Variants in JAK2 observed in about 807,000 individuals in gnomAD.
The protein encoded by JAK2 is tyrosine-protein kinase JAK2.
A neutral mutation model predicts 139.3 loss-of-function variants in JAK2; 86 were observed. The observed-to-expected ratio is 0.62, with a 90% CI of 0.52 to 0.74. JAK2 has a LOEUF of 0.74. Ranked by LOEUF, JAK2 falls within the 30% of genes least tolerant of loss-of-function variation. JAK2 has a pLI of 0.00. For missense variants in JAK2, 1,421 were observed against 1,360.3 expected (o/e 1.04, Z -0.70); for synonymous variants, 490 against 437.7 (o/e 1.12, Z -1.49).
chr9:5,053,030 G>C (rs141347486), intron 6 of JAK2, among the ~76,000 whole-genome samples: 122 of 152,098 alleles, frequency 8.0e-4, no homozygotes, highest in African/African-American at 2.8e-3. Flanking sequence ...GGAATTCCTG[G>C]AACATATGGT....
At chr9:5,071,582 C>T (rs901618882) in intron 12 of JAK2, among the ~76,000 whole-genome samples, 1 of 152,060 alleles carries the variant, frequency 6.6e-6, no homozygotes, top group Non-Finnish European at 1.5e-5. Context: ...ATGTAGTGAA[C>T]CTCAAGACAG....
At chr9:4,986,610 C>T (rs928518103) in intron 2 of JAK2, among the ~76,000 whole-genome samples, 3 of 152,178 alleles carry the variant, frequency 2.0e-5, no homozygotes, top group African/African-American at 7.2e-5. Context: ...TAAGTTTGTA[C>T]AGTGAGTTGT....
chr9:5,090,658 T>C, intron 21 of JAK2, 81 bp from the exon 22 acceptor site: 2 of 1,514,210 alleles, frequency 1.3e-6, no homozygotes, highest in African/African-American at 1.4e-5. Flanking sequence ...TCATAGATAA[T>C]AAAGGGAATA....
At chr9:4,991,594 TAA>T (rs1426117114) in intron 2 of JAK2, among the ~76,000 whole-genome samples, 1 of 152,130 alleles carries the variant, frequency 6.6e-6, no homozygotes, top group African/African-American at 2.4e-5. Context: ...CTAGAAAATT[TAA>T]AAAGGTGGGA....
intron 2 of JAK2, among the ~76,000 whole-genome samples, chr9:4,994,187 G>A (rs1204960422): frequency 1.3e-5 from 2 of 152,182 alleles, no homozygotes; most frequent in Non-Finnish European, 2.9e-5. Flanking sequence ...TGATGTTTTT[G>A]TGGCCATAAA....
intron 13 of JAK2, 32 bp from the exon 14 acceptor site, chr9:5,073,666 C>G (rs757058072): frequency 6.6e-7 from 1 of 1,514,364 alleles, no homozygotes; most frequent in Non-Finnish European, 9.1e-7. Context: ...AACAGTCAAA[C>G]AACAATTCTT....
intron 2 of JAK2, among the ~76,000 whole-genome samples, chr9:4,996,377 G>A (rs1820561862): frequency 6.6e-6 from 1 of 152,052 alleles, no homozygotes; most frequent in Non-Finnish European, 1.5e-5. Flanking sequence ...GTACCTGGGA[G>A]GCAGAGGTTG....
chr9:5,005,279 G>T (rs185091599), intron 2 of JAK2, among the ~76,000 whole-genome samples: 2 of 151,288 alleles, frequency 1.3e-5, no homozygotes, highest in Non-Finnish European at 3.0e-5. Flanking sequence ...TATCTGTTCC[G>T]GTCCTTTGCC....
intron 22 of JAK2, among the ~76,000 whole-genome samples, chr9:5,113,172 T>A (rs1586822197): frequency 6.8e-6 from 1 of 147,296 alleles, no homozygotes; most frequent in African/African-American, 2.6e-5. Flanking sequence ...CTTGGCCCTG[T>A]TGTCTGGGCT....
At chr9:5,018,215 T>C (rs1822195195) in intron 2 of JAK2, among the ~76,000 whole-genome samples, 1 of 152,238 alleles carries the variant, frequency 6.6e-6, no homozygotes, top group Non-Finnish European at 1.5e-5. Context: ...GTTTGTTGGT[T>C]TTCTATAGTG....
At chr9:5,078,539 T>C (rs1047352040) in intron 16 of JAK2, 95 bp downstream of exon 16, 1 of 877,296 alleles carries the variant, frequency 1.1e-6, no homozygotes, top group Non-Finnish European at 1.7e-6. Flanking sequence ...TTCCATTTAA[T>C]TTGTATGTTC....
chr9:5,115,646 G>T (rs1823086573), intron 22 of JAK2, among the ~76,000 whole-genome samples: 2 of 152,162 alleles, frequency 1.3e-5, no homozygotes, highest in Admixed American at 1.3e-4. Flanking sequence ...CAATAGCAAA[G>T]ACTTGGAACC....
intron 2 of JAK2, among the ~76,000 whole-genome samples, chr9:5,007,818 C>G (rs542860147): frequency 6.6e-6 from 1 of 151,818 alleles, no homozygotes; most frequent in Non-Finnish European, 1.5e-5. Context: ...ATCTCTGCCT[C>G]CCAGGTTCAA....
At chr9:5,067,328 T>C (rs927188144) in intron 10 of JAK2, among the ~76,000 whole-genome samples, 1 of 152,180 alleles carries the variant, frequency 6.6e-6, no homozygotes, top group African/African-American at 2.4e-5. Flanking sequence ...AACCCCACTG[T>C]TAATACAGAT....
Position 5,126,424 on chromosome 9 carries a change from G to A in JAK2, c.3269G>A (p.Arg1090Lys), listed in dbSNP as rs780942191. Residue 1090 changes from arginine (R) to lysine (K), a missense_variant, in exon 24 of 25, where the codon AGA (arginine) becomes AAA (lysine). Arg to Lys is a conservative substitution (Grantham distance 26, BLOSUM62 2). Transcript: ENST00000381652. ...ELLKNNGRLP[R>K]PDGCPDEIYM... The stretch of plus-strand genomic sequence containing the variant: ...TTGAAGAATAATGGAAGATTACCAA[G>A]ACCAGATGGATGCCCAGATGAGGTA... 6.2e-7 allele frequency: 1 copy of A among 1,608,650 alleles called. No individual in the cohort carries two copies. The highest frequency in any genetic ancestry group is 2.2e-5 in the East Asian group (1 of 44,756).
chr9:5,048,396 C>T (rs1345633789), intron 5 of JAK2, among the ~76,000 whole-genome samples: 1 of 152,116 alleles, frequency 6.6e-6, no homozygotes, highest in Non-Finnish European at 1.5e-5. Context: ...CTGCCTTGGC[C>T]TTCTAAAGTG....
At chr9:5,069,870 C>G (rs1292739879) in intron 11 of JAK2, 55 bp from the exon 12 acceptor site, 5 of 1,202,110 alleles carry the variant, frequency 4.2e-6, no homozygotes, top group Non-Finnish European at 5.8e-6. Flanking sequence ...CTCTTTGGAG[C>G]AATTCATACT....
intron 12 of JAK2, among the ~76,000 whole-genome samples, chr9:5,070,684 G>A (rs767800669): frequency 6.6e-6 from 1 of 151,826 alleles, no homozygotes; most frequent in African/African-American, 2.4e-5. Context: ...TGCAGAACCC[G>A]CCCTGCCAGT....
At chr9:4,990,377 A>C (rs2129707294) in intron 2 of JAK2, among the ~76,000 whole-genome samples, 1 of 152,320 alleles carries the variant, frequency 6.6e-6, no homozygotes, top group South Asian at 2.1e-4. Flanking sequence ...TAGTTATGGC[A>C]GTGTTAGTAG....
Sources: gnomAD v4.1 joint callset for allele counts (sites outside exome capture counted in the v4.1 genomes callset) on GRCh38, gnomAD v4.1.1 for gene constraint, MANE v1.5 for transcripts, NCBI Gene and HGNC (gene_info 2026-07-23, HGNC 2026-07-21) for gene names.